EXT1: variants seen among roughly 807,000 people sequenced by gnomAD.
EXT1 encodes the protein exostosin-1.
EXT1 carries 20 observed loss-of-function variants against 82.5 expected under a neutral mutation model. The observed-to-expected ratio is 0.24, with a 90% CI of 0.17 to 0.35. The LOEUF (loss-of-function observed/expected upper bound fraction) is 0.35, where lower values mean the gene tolerates loss of function less well. Among genes scored for constraint, EXT1 ranks in the 10% least tolerant of loss-of-function variants. EXT1 has a pLI of 1.00. For missense variants in EXT1, 757 were observed against 936.5 expected (o/e 0.81, Z 2.50); for synonymous variants, 348 against 350.8 (o/e 0.99, Z 0.09).
At chr8:118,107,853 A>T (rs1408643356) in intron 1 of EXT1, among the ~76,000 whole-genome samples, 1 of 152,334 alleles carries the variant, frequency 6.6e-6, no homozygotes, top group East Asian at 1.9e-4. Flanking sequence ...CCCGGGCTAC[A>T]TGCAAGTTTA....
intron 1 of EXT1, among the ~76,000 whole-genome samples, chr8:117,992,690 C>G (rs549849292): frequency 2.0e-5 from 3 of 152,088 alleles, no homozygotes; most frequent in African/African-American, 7.2e-5. Flanking sequence ...CTTGGTCTCC[C>G]GACAAGACAA....
chr8:117,849,992 CAT>C (rs1275876416), intron 1 of EXT1, among the ~76,000 whole-genome samples: 1 of 152,234 alleles, frequency 6.6e-6, no homozygotes, highest in Non-Finnish European at 1.5e-5. Context: ...ATTAAACACA[CAT>C]GATACTGTGG....
At chr8:117,836,325 G>C (rs1008087240) in intron 2 of EXT1, among the ~76,000 whole-genome samples, 2 of 152,318 alleles carry the variant, frequency 1.3e-5, no homozygotes, top group South Asian at 4.1e-4. Flanking sequence ...ACATTCCAGA[G>C]AAGGAAGCTC....
intron 1 of EXT1, among the ~76,000 whole-genome samples, chr8:117,938,079 C>T (rs576104618): frequency 6.6e-6 from 1 of 152,364 alleles, no homozygotes; most frequent in Non-Finnish European, 1.5e-5. Flanking sequence ...CACATTCGCA[C>T]ATTTCCTCTA....
At chr8:117,857,212 T>C (rs1449663745) in intron 1 of EXT1, among the ~76,000 whole-genome samples, 1 of 152,192 alleles carries the variant, frequency 6.6e-6, no homozygotes, top group Non-Finnish European at 1.5e-5. Flanking sequence ...AGATTAATGT[T>C]GTTTTCATGC....
Position 118,039,894 on chromosome 8 carries a change from C to T in EXT1, c.962+70191G>A, listed in dbSNP as rs1816496973. 2.6e-5 allele frequency among the ~76,000 whole-genome samples: 4 copies of T among 152,148 alleles called. No individual in the cohort carries two copies. The South Asian group carries it at 8.3e-4, about 32-fold the overall frequency. On this transcript the variant is annotated intron_variant, in intron 1 of 10. Coordinates refer to ENST00000378204, the MANE Select transcript of EXT1 (RefSeq NM_000127.3). ...TACAGTAGAAAGGCAGAGAATAGCA[C>T]TTCTCCTAAGTCCATGTAAGCATTT...
At chr8:117,807,526 T>C in intron 8 of EXT1, 149 bp from the exon 9 acceptor site, 1 of 875,972 alleles carries the variant, frequency 1.1e-6, no homozygotes, top group Non-Finnish European at 1.8e-6. Context: ...TTAAACTGAC[T>C]GCTTGACATT....
chr8:117,970,986 GAGA>G (rs1814927811), intron 1 of EXT1, among the ~76,000 whole-genome samples: 1 of 152,154 alleles, frequency 6.6e-6, no homozygotes, highest in South Asian at 2.1e-4. Context: ...TCTTGGCACA[GAGA>G]AGATCCTCAT....
intron 1 of EXT1, among the ~76,000 whole-genome samples, chr8:117,969,760 G>A (rs555835123): frequency 9.2e-5 from 14 of 152,266 alleles, no homozygotes; most frequent in African/African-American, 1.4e-4. Context: ...AACCTTTCTC[G>A]CAAGCTTATT....
At chr8:117,820,783 C>T (rs575543456) in intron 5 of EXT1, among the ~76,000 whole-genome samples, 1 of 152,168 alleles carries the variant, frequency 6.6e-6, no homozygotes, top group South Asian at 2.1e-4. Flanking sequence ...CAGCAGCTAC[C>T]ATTATCATCA....
intron 1 of EXT1, among the ~76,000 whole-genome samples, chr8:117,844,890 G>T (rs1175363425): frequency 1.6e-5 from 2 of 126,718 alleles, no homozygotes; most frequent in Non-Finnish European, 3.2e-5. Flanking sequence ...ACAGTTTTTT[G>T]CCTTGAGCAT....
chr8:117,923,751 G>A (rs1353742983), intron 1 of EXT1, among the ~76,000 whole-genome samples: 1 of 151,168 alleles, frequency 6.6e-6, no homozygotes, highest in Non-Finnish European at 1.5e-5. Flanking sequence ...GAAGCAACAC[G>A]GAGTATAAAG....
chr8:118,035,718 A>G (rs961492206), intron 1 of EXT1, among the ~76,000 whole-genome samples: 19 of 152,062 alleles, frequency 1.2e-4, no homozygotes, highest in Non-Finnish European at 8.8e-5. Context: ...CGGAAACACA[A>G]TTTCTTTCAC....
chr8:117,879,415 T>TC (rs1338189529), intron 1 of EXT1, among the ~76,000 whole-genome samples: 1 of 151,880 alleles, frequency 6.6e-6, no homozygotes, highest in Non-Finnish European at 1.5e-5. Flanking sequence ...CAATTCATTT[T>TC]CCCCCTCAAT....
In EXT1 at chr8:118,011,960, G is replaced by A. The variant is rs765923519; in HGVS notation, c.962+98125C>T. 3.3e-5 allele frequency among the ~76,000 whole-genome samples: 5 copies of A among 152,190 alleles called. No homozygotes were observed. In the East Asian group the frequency reaches 5.8e-4, roughly 18 times the overall value. ...GCGCGAGAGAACATGGGAAGCAGCC[G>A]ACCACTGGTGCAAGGAAGGGGCTCC... On this transcript the variant is annotated intron_variant, in intron 1 of 10. Coordinates refer to ENST00000378204, the MANE Select transcript of EXT1 (RefSeq NM_000127.3).
chr8:117,945,749 C>T (rs944524213), intron 1 of EXT1, among the ~76,000 whole-genome samples: 1 of 152,040 alleles, frequency 6.6e-6, no homozygotes, highest in Non-Finnish European at 1.5e-5. Context: ...ATGATCTGTC[C>T]GTCTCAGCCT....
At chr8:117,804,377 A>G (rs1326619082) in intron 10 of EXT1, among the ~76,000 whole-genome samples, 1 of 152,166 alleles carries the variant, frequency 6.6e-6, no homozygotes, top group African/African-American at 2.4e-5. Flanking sequence ...AGCCTCTAGA[A>G]CTATGAAAAA....
At chr8:117,901,071 A>G (rs1318210576) in intron 1 of EXT1, among the ~76,000 whole-genome samples, 1 of 152,236 alleles carries the variant, frequency 6.6e-6, no homozygotes, top group Non-Finnish European at 1.5e-5. Flanking sequence ...GATCTAGAGT[A>G]TCAAATCCAT....
At chr8:117,867,501 T>C (rs1033135122) in intron 1 of EXT1, among the ~76,000 whole-genome samples, 14 of 152,276 alleles carry the variant, frequency 9.2e-5, no homozygotes, top group African/African-American at 2.6e-4. Context: ...CTGCCCATTA[T>C]GAATTGGACT....
Sources: gnomAD v4.1 joint callset for allele counts (sites outside exome capture counted in the v4.1 genomes callset) on GRCh38, gnomAD v4.1.1 for gene constraint, MANE v1.5 for transcripts, NCBI Gene and HGNC (gene_info 2026-07-23, HGNC 2026-07-21) for gene names.